Variants in PITX1 observed in about 807,000 individuals in gnomAD.
PITX1 encodes the protein pituitary homeobox 1.
Under a neutral mutation model 24.1 loss-of-function variants are expected in PITX1, and 5 were observed. That is an observed-to-expected ratio of 0.21 (90% CI 0.11 to 0.44). The LOEUF (loss-of-function observed/expected upper bound fraction) is 0.44, where lower values mean the gene tolerates loss of function less well. PITX1 is among the 20% of genes least tolerant of loss of function. PITX1 has a pLI of 0.99. For missense variants in PITX1, 401 were observed against 455.4 expected (o/e 0.88, Z 1.09); for synonymous variants, 213 against 208.9 (o/e 1.02, Z -0.17).
chr5:135,029,002 C>G lies in PITX1; in HGVS notation c.722G>C (p.Gly241Ala). The change falls in exon 3 of 3, where the codon GGC (glycine) becomes GCC (alanine). Residue 241 changes from glycine (G) to alanine (A), a missense_variant. Physicochemically the swap from Gly to Ala is moderately conservative, Grantham distance 60. Coordinates refer to ENST00000265340, the MANE Select transcript of PITX1 (RefSeq NM_002653.5). ...PGAVPGMPNS[G>A]LNNINNLTGS... Reference sequence around the variant, plus strand: ...GGTGAGGTTGTTGATGTTGTTGAGGCCCGAGTTGGGCATGCCAGGCACGGC... The same window carrying G: ...GGTGAGGTTGTTGATGTTGTTGAGGGCCGAGTTGGGCATGCCAGGCACGGC... The G allele has an allele frequency of 6.2e-7, 1 of 1,614,200 alleles. No homozygotes were observed. Among genetic ancestry groups the G allele is most frequent in the Non-Finnish European group, 8.5e-7 (1 of 1,180,028 alleles).
chr5:135,033,017 A>G lies in PITX1; in HGVS notation c.169+696T>C, dbSNP rs1167886699. On this transcript the variant is annotated intron_variant, in intron 1 of 2. Transcript: ENST00000265340. This position sits in a 1 kb window ranked among gnomAD's most constrained non-coding sequence, Gnocchi z 5.9. The stretch of plus-strand genomic sequence containing the variant: ...CGGGCCCAGTTCGCTGCTGGAAAAA[A>G]GCTCCAGCTCGGACAAAAAAAGGCA... 4.6e-6 allele frequency: 2 copies of G among 434,656 alleles called. No homozygotes were observed. Among genetic ancestry groups the G allele is most frequent in the East Asian group, 7.3e-5 (1 of 13,668 alleles). The allele number at this position is 434,656 out of a possible 1,614,324, so 26.9% of individuals were successfully genotyped here. A position where few individuals can be genotyped will look rare whatever the true frequency, so the allele number is the denominator to read the frequency against.
At position 135,028,641 on chromosome 5, in the gene PITX1, A is replaced by C; in HGVS notation, c.*138T>G. The C allele has an allele frequency of 4.1e-6, 1 of 245,482 alleles. No homozygotes were observed. The highest frequency in any genetic ancestry group is 5.8e-6 in the Non-Finnish European group (1 of 172,898). 15.2% of individuals were successfully genotyped at this position (245,482 alleles called of 1,614,324 possible). On this transcript the variant is annotated 3_prime_UTR_variant, in exon 3 of 3. Coordinates refer to ENST00000265340, the MANE Select transcript of PITX1 (RefSeq NM_002653.5). ...AAACCAACCCGGAGTGGGAAGTGGG[A>C]GGAGGGGGCTGCGCAGGTGTGAGGT...
At chr5:135,032,118 G>C (rs538585333) in intron 1 of PITX1, 1 of 152,474 alleles carries the variant, frequency 6.6e-6, no homozygotes, top group African/African-American at 2.4e-5. Flanking sequence ...CAAAACACAC[G>C]CAGTCATAGA....
chr5:135,028,846 G>A lies in PITX1; in HGVS notation c.878C>T (p.Ser293Leu), dbSNP rs1303886235. The A allele has an allele frequency of 1.2e-6, 2 of 1,613,526 alleles. No homozygotes were observed. The highest frequency in any genetic ancestry group is 2.7e-5 in the African/African-American group (2 of 74,926). ...CTGCAGGCCGCCGTAGCCAAACGAC[G>A]AGTGCTGTTTGGACTTGAGCCGCAG... ...ASLRLKSKQH[S>L]SFGYGGLQGP... The change falls in exon 3 of 3, where the codon TCG becomes TTG. Residue 293 changes from serine to leucine, a missense_variant. Ser to Leu is a moderately radical substitution (Grantham distance 145). Transcript: ENST00000265340.
At position 135,033,985 on chromosome 5, in the gene PITX1, C is replaced by T; in HGVS notation, c.-104G>A. 2.9e-6 allele frequency: 2 copies of T among 699,788 alleles called. No homozygotes were observed. Among genetic ancestry groups the T allele is most frequent in the Non-Finnish European group, 3.9e-6 (2 of 514,054 alleles). 43.3% of individuals were successfully genotyped at this position (699,788 alleles called of 1,614,324 possible). ...AAGAGCGCAGCGCCTAAGCGGCTGC[C>T]CTCCAGGGCTGCCGGCGCCTGCAGC... On this transcript the variant is annotated 5_prime_UTR_variant, in exon 1 of 3. Transcript: ENST00000265340. This position sits in a 1 kb window ranked among gnomAD's most constrained non-coding sequence, Gnocchi z 5.9.
intron 2 of PITX1, 115 bp from the exon 3 acceptor site, chr5:135,029,436 C>G (rs1752412450): frequency 1.4e-5 from 11 of 780,786 alleles, no homozygotes. Context: ...CGTCGTTTCT[C>G]TCCTTCGACC....
At chr5:135,029,424 A>AACGTC in intron 2 of PITX1, 103 bp from the exon 3 acceptor site, 1 of 924,782 alleles carries the variant, frequency 1.1e-6, no homozygotes. Flanking sequence ...CTGCCCTCCG[A>AACGTC]ACGTCGTTTC....
chr5:135,031,742 G>T (rs1752455178), intron 1 of PITX1: 2 of 592,448 alleles, frequency 3.4e-6, no homozygotes, highest in Non-Finnish European at 6.0e-6. Flanking sequence ...GGAGCCGCGG[G>T]CCTGCGTTCC....
chr5:135,032,384 G>A (rs543848870), intron 1 of PITX1, among the ~76,000 whole-genome samples: 2 of 152,284 alleles, frequency 1.3e-5, no homozygotes, highest in South Asian at 2.1e-4. Context: ...ATAATGTACC[G>A]TTGTAGATAG....
rs1467857803 is a variant in PITX1 at position 135,032,802 on chromosome 5, C to T, written c.169+911G>A. ...ATTATGTTTTAACCAAGCAAACAAC[C>T]TCTCAGAAAAATCACTTAGGGATGC... On this transcript the variant is annotated intron_variant, in intron 1 of 2. Transcript: ENST00000265340. The T allele has an allele frequency of 2.9e-5, 9 of 310,998 alleles. No individual in the cohort carries two copies. The Admixed American group carries it at 4.1e-4, about 14-fold the overall frequency. The allele number at this position is 310,998 out of a possible 1,614,324, so 19.3% of individuals were successfully genotyped here. A position where few individuals can be genotyped will look rare whatever the true frequency, so the allele number is the denominator to read the frequency against.
chr5:135,028,877 C>T lies in PITX1; in HGVS notation c.847G>A (p.Ala283Thr). ...VYRDTCNSSL[A>T]SLRLKSKQHS... ...TGTTTGGACTTGAGCCGCAGGCTGG[C>T]TAGGCTCGAGTTGCACGTGTCCCGG... The change falls in exon 3 of 3, where the codon GCC becomes ACC. Residue 283 changes from alanine to threonine, a missense_variant. Ala to Thr is a moderately conservative substitution (Grantham distance 58, BLOSUM62 0). Transcript: ENST00000265340. The T allele has an allele frequency of 6.2e-7, 1 of 1,613,600 alleles. No individual in the cohort carries two copies. The highest frequency in any genetic ancestry group is 8.5e-7 in the Non-Finnish European group (1 of 1,179,928).
Position 135,033,603 on chromosome 5 carries a change from G to T in PITX1, c.169+110C>A. On this transcript the variant is annotated intron_variant, in intron 1 of 2. Coordinates refer to ENST00000265340, the MANE Select transcript of PITX1 (RefSeq NM_002653.5). The surrounding 1 kb of genome is among the most constrained non-coding windows in gnomAD (Gnocchi z 5.9). ...AAAAGAAAGCTCCTGACGCTTCTGG[G>T]GCGGAGAGGGAGCTTGGTTGCGCGG... The T allele has an allele frequency of 9.0e-7, 1 of 1,110,706 alleles. No homozygotes were observed. The highest frequency in any genetic ancestry group is 1.3e-6 in the Non-Finnish European group (1 of 762,782). The allele number at this position is 1,110,706 out of a possible 1,614,324, so 68.8% of individuals were successfully genotyped here.
Position 135,033,989 on chromosome 5 carries a change from C to T in PITX1, c.-108G>A, listed in dbSNP as rs1752517016. The T allele has an allele frequency of 1.5e-6, 1 of 663,548 alleles. No individual in the cohort carries two copies. Among genetic ancestry groups the T allele is most frequent in the Non-Finnish European group, 2.1e-6 (1 of 482,832 alleles). 41.1% of individuals were successfully genotyped at this position (663,548 alleles called of 1,614,324 possible). A position where few individuals can be genotyped will look rare whatever the true frequency, so the allele number is the denominator to read the frequency against. On this transcript the variant is annotated 5_prime_UTR_variant, in exon 1 of 3. It introduces an in-frame stop codon into an upstream open reading frame of the 5' UTR. Transcript: ENST00000265340. The surrounding 1 kb of genome is among the most constrained non-coding windows in gnomAD (Gnocchi z 5.9). ...GCGCAGCGCCTAAGCGGCTGCCCTC[C>T]AGGGCTGCCGGCGCCTGCAGCGACG...
Position 135,029,057 on chromosome 5 carries a change from T to C in PITX1, c.667A>G (p.Met223Val). The stretch of plus-strand genomic sequence containing the variant: ...GGGCCCATGCTGGACGGCATGGTCA[T>C]GGAGGAGATGGAGCTGGGTGCTGAG... ...MFSAPSSISS[M>V]TMPSSMGPGA... is the part of the protein sequence containing the mutation. Residue 223 changes from methionine to valine, a missense_variant, in exon 3 of 3, where the codon ATG (methionine) becomes GTG (valine). By Grantham distance (21) the Met-to-Val change is conservative (BLOSUM62 1). This residue lies in a region of PITX1 where 217 missense variants were observed against 219.8 expected (regional missense o/e 0.99). Coordinates refer to ENST00000265340, the MANE Select transcript of PITX1 (RefSeq NM_002653.5). 1 of 1,614,104 alleles carries C rather than the reference T, an allele frequency of 6.2e-7. No individual in the cohort carries two copies. The highest frequency in any genetic ancestry group is 2.2e-5 in the East Asian group (1 of 44,864).
Position 135,028,936 on chromosome 5 carries a change from G to GGGGC in PITX1, c.787_788insGCCC (p.Pro263ArgfsTer310). 6.2e-7 allele frequency: 1 copy of GGGGC among 1,614,024 alleles called. No individual in the cohort carries two copies. The highest frequency in any genetic ancestry group is 8.5e-7 in the Non-Finnish European group (1 of 1,179,978). The stretch of plus-strand genomic sequence containing the variant: ...GTAGGGCGAGGCGGGAGTGCCGTAC[G>GGGGC]GGCAAGCGCCCGGCGACATGGCCGA... On this transcript the variant is annotated frameshift_variant, in exon 3 of 3. Coordinates refer to ENST00000265340, the MANE Select transcript of PITX1 (RefSeq NM_002653.5). LOFTEE classifies it high-confidence loss of function.
chr5:135,028,702 C>A lies in PITX1; in HGVS notation c.*77G>T. 9.1e-7 allele frequency: 1 copy of A among 1,094,432 alleles called. No homozygotes were observed. Among genetic ancestry groups the A allele is most frequent in the Admixed American group, 4.5e-5 (1 of 22,230 alleles). The allele number at this position is 1,094,432 out of a possible 1,614,324, so 67.8% of individuals were successfully genotyped here. On this transcript the variant is annotated 3_prime_UTR_variant, in exon 3 of 3. Transcript: ENST00000265340. ...GTGAGCTGGGGCTTGCGAGCCGGGGCCCCGCGTGCGTCCTCCGCGCCCGCG... is the reference window on the plus strand; with the variant it reads ...GTGAGCTGGGGCTTGCGAGCCGGGGACCCGCGTGCGTCCTCCGCGCCCGCG...
intron 1 of PITX1, chr5:135,032,909 C>A (rs1312961297): frequency 2.3e-6 from 1 of 426,590 alleles, no homozygotes; most frequent in Non-Finnish European, 4.7e-6. Context: ...GCGCCCACAC[C>A]GGGGAGCTCG....
intron 1 of PITX1, among the ~76,000 whole-genome samples, chr5:135,032,527 C>T (rs1158043056): frequency 1.3e-5 from 2 of 152,108 alleles, no homozygotes; most frequent in Non-Finnish European, 2.9e-5. Flanking sequence ...TCCGGAGAAA[C>T]GCGCCATTTT....
Position 135,028,608 on chromosome 5 carries a change from C to G in PITX1, c.*171G>C, listed in dbSNP as rs1752391944. 1 of 209,476 alleles carries G rather than the reference C, an allele frequency of 4.8e-6. No homozygotes were observed. The highest frequency in any genetic ancestry group is 3.4e-5 in the African/African-American group (1 of 29,264). The allele number at this position is 209,476 out of a possible 1,614,324, so 13.0% of individuals were successfully genotyped here. A position where few individuals can be genotyped will look rare whatever the true frequency, so the allele number is the denominator to read the frequency against. On this transcript the variant is annotated 3_prime_UTR_variant, in exon 3 of 3. Transcript: ENST00000265340. ...GAGGGCAGAGTGGGGTCCGGAAAAG[C>G]AAACACAAAACCAACCCGGAGTGGG...
Sources: allele counts gnomAD v4.1 joint callset (sites outside exome capture counted in the v4.1 genomes callset), GRCh38; gene constraint gnomAD v4.1.1; regional missense constraint gnomAD v4.1.1; non-coding constraint Gnocchi (gnomAD v3.1); transcripts MANE v1.5; gene names NCBI Gene and HGNC (gene_info 2026-07-23, HGNC 2026-07-21).